CALD1: variants seen among roughly 807,000 people sequenced by gnomAD.
CALD1 encodes the protein caldesmon 1, also known as caldesmon.
A neutral mutation model predicts 99.9 loss-of-function variants in CALD1; 33 were observed. That is an observed-to-expected ratio of 0.33 (90% confidence interval 0.25 to 0.44). CALD1 has a LOEUF of 0.44. Ranked by LOEUF, CALD1 falls within the 20% of genes least tolerant of loss-of-function variation. The pLI is 1.00. For missense variants in CALD1, 861 were observed against 962.1 expected (o/e 0.89, Z 1.39); for synonymous variants, 310 against 325.0 (o/e 0.95, Z 0.50).
the CALD1 span, among the ~76,000 whole-genome samples, chr7:134,711,686 G>A: frequency 0.063 from 2,446 of 39,044 alleles, 33 homozygotes; most frequent in South Asian, 0.12. Context: ...ATATATGTGT[G>A]TGTGTGTGTG....
chr7:134,891,323 C>A, intron 3 of CALD1: 1 of 1,124,682 alleles, frequency 8.9e-7, no homozygotes, highest in Non-Finnish European at 1.1e-6. Context: ...TCTCTGATCG[C>A]TAAACATGAT....
At position 134,765,522 on chromosome 7, in the gene CALD1, C is replaced by T. The variant is rs540857475; in HGVS notation, c.-130+21159C>T. Among the ~76,000 whole-genome samples the T allele has an allele frequency of 6.6e-5, 10 of 152,188 alleles. No homozygotes were observed. The South Asian group carries it at 8.3e-4, about 13-fold the overall frequency. ...CACCTGCCCCACTACTGCACTTATG[C>T]GATTCCATGTACATCTGCCAGCAAA... On this transcript the variant is annotated intron_variant, in intron 1 of 13. Coordinates refer to the CALD1 transcript ENST00000417172.
chr7:134,856,461 G>C (rs1490552732), intron 2 of CALD1, among the ~76,000 whole-genome samples: 1 of 152,208 alleles, frequency 6.6e-6, no homozygotes, highest in African/African-American at 2.4e-5. Flanking sequence ...CATGGTTAGA[G>C]AGCAAAATCA....
chr7:134,927,450 G>T (rs1805113405), intron 3 of CALD1, among the ~76,000 whole-genome samples: 1 of 149,766 alleles, frequency 6.7e-6, no homozygotes, highest in South Asian at 2.1e-4. Context: ...TACTCAGGAG[G>T]CTGAGGTGGG....
intron 3 of CALD1, among the ~76,000 whole-genome samples, chr7:134,900,640 C>CGT (rs1405397632): frequency 6.6e-6 from 1 of 152,124 alleles, no homozygotes; most frequent in African/African-American, 2.4e-5. Context: ...AGATCCCACT[C>CGT]ATGACACAGT....
intron 1 of CALD1, among the ~76,000 whole-genome samples, chr7:134,756,868 C>T (rs1796734453): frequency 6.6e-6 from 1 of 152,098 alleles, no homozygotes; most frequent in African/African-American, 2.4e-5. Flanking sequence ...AAATGCCATC[C>T]AATAGCACAG....
At chr7:134,722,943 C>T in the CALD1 span, among the ~76,000 whole-genome samples, 1 of 152,268 alleles carries the variant, frequency 6.6e-6, no homozygotes, top group East Asian at 1.9e-4. Context: ...GTCAGAGAGC[C>T]CAGCTGCTCT....
chr7:134,735,537 C>A, the CALD1 span, among the ~76,000 whole-genome samples: 1 of 151,250 alleles, frequency 6.6e-6, no homozygotes, highest in African/African-American at 2.4e-5. Context: ...AATGCTATTT[C>A]TCTCTTTCTT....
At chr7:134,833,367 C>T (rs1799308035) in intron 1 of CALD1, among the ~76,000 whole-genome samples, 1 of 152,134 alleles carries the variant, frequency 6.6e-6, no homozygotes, top group Non-Finnish European at 1.5e-5. Context: ...TGCACGTTAT[C>T]CTTCATCTGG....
At chr7:134,887,793 T>C (rs1174261382) in intron 3 of CALD1, among the ~76,000 whole-genome samples, 2 of 144,842 alleles carry the variant, frequency 1.4e-5, no homozygotes, top group Non-Finnish European at 3.0e-5. Context: ...CATGTGTATG[T>C]GTGCGCATGT....
rs1224105585 is a variant in CALD1, at chr7:134,950,487, T to C, written c.1908T>C (p.Cys636=). ...GLSDDKKPFK[C]FTPKGSSLKI... is the part of the protein sequence containing the mutation. ...CAGATGACAAGAAACCATTCAAGTG[T>C]TTCACTCCTAAAGGTTCATCTCTCA... Residue 636 remains cysteine (C), a synonymous_variant, in exon 9 of 15, where the codon TGT becomes TGC. Coordinates refer to ENST00000361675, the MANE Select transcript of CALD1 (RefSeq NM_033138.4). The C allele has an allele frequency of 2.5e-6, 4 of 1,613,980 alleles. No homozygotes were observed. The highest frequency in any genetic ancestry group is 2.5e-6 in the Non-Finnish European group (3 of 1,179,950).
chr7:134,862,880 A>G (rs2132290066), intron 2 of CALD1, among the ~76,000 whole-genome samples: 1 of 152,288 alleles, frequency 6.6e-6, no homozygotes, highest in Non-Finnish European at 1.5e-5. Context: ...TGTTACGGAG[A>G]GTTGAAGTTT....
intron 2 of CALD1, among the ~76,000 whole-genome samples, chr7:134,853,494 G>C (rs1032110943): frequency 6.6e-6 from 1 of 151,758 alleles, no homozygotes; most frequent in African/African-American, 2.4e-5. Flanking sequence ...CCATTAGATC[G>C]TTCCTGTAGT....
At chr7:134,718,908 A>G in the CALD1 span, among the ~76,000 whole-genome samples, 1 of 152,232 alleles carries the variant, frequency 6.6e-6, no homozygotes, top group Non-Finnish European at 1.5e-5. Context: ...ACACTTGCCA[A>G]ATAAATTTTT....
intron 3 of CALD1, among the ~76,000 whole-genome samples, chr7:134,870,884 T>C (rs963642358): frequency 6.6e-6 from 1 of 152,192 alleles, no homozygotes. Flanking sequence ...CTTCAGGATT[T>C]TGTAAAATCT....
chr7:134,813,566 T>A (rs560817503), intron 1 of CALD1, among the ~76,000 whole-genome samples: 1 of 152,258 alleles, frequency 6.6e-6, no homozygotes, highest in Non-Finnish European at 1.5e-5. Flanking sequence ...GTAAGTATAT[T>A]GGAAAATATG....
chr7:134,795,148 T>C (rs1226330669), intron 1 of CALD1, among the ~76,000 whole-genome samples: 1 of 152,296 alleles, frequency 6.6e-6, no homozygotes, highest in East Asian at 1.9e-4. Flanking sequence ...TCTTTTTTTT[T>C]CAAATACTCT....
intron 1 of CALD1, among the ~76,000 whole-genome samples, chr7:134,761,499 T>G (rs1796778360): frequency 6.6e-6 from 1 of 152,234 alleles, no homozygotes; most frequent in Non-Finnish European, 1.5e-5. Flanking sequence ...TTTATCTCAG[T>G]TTTGTGCTGA....
At chr7:134,889,058 G>T (rs748271941) in intron 3 of CALD1, among the ~76,000 whole-genome samples, 4 of 152,186 alleles carry the variant, frequency 2.6e-5, no homozygotes, top group Non-Finnish European at 4.4e-5. Context: ...GAATTGGCGT[G>T]GGGGGCTGGG....
Sources: gnomAD v4.1 joint callset for allele counts (sites outside exome capture counted in the v4.1 genomes callset) on GRCh38, gnomAD v4.1.1 for gene constraint, MANE v1.5 for transcripts, NCBI Gene and HGNC (gene_info 2026-07-23, HGNC 2026-07-21) for gene names.